DNAJC1: variants seen among roughly 807,000 people sequenced by gnomAD.
DNAJC1 encodes the protein DnaJ heat shock protein family (Hsp40) member C1.
In DNAJC1, 58 loss-of-function variants were observed where a neutral mutation model predicts 76.6. The observed-to-expected ratio is 0.76, with a 90% CI of 0.61 to 0.94. DNAJC1 has a LOEUF of 0.94. Among genes scored for constraint, DNAJC1 ranks in the 40% least tolerant of loss-of-function variants. The pLI, the probability that DNAJC1 is intolerant of heterozygous loss-of-function variation, is 0.00. For missense variants in DNAJC1, 689 were observed against 677.3 expected (o/e 1.02, Z -0.19); for synonymous variants, 258 against 267.9 (o/e 0.96, Z 0.36).
chr10:21,934,608 T>C (rs1289854105), intron 1 of DNAJC1, among the ~76,000 whole-genome samples: 2 of 152,190 alleles, frequency 1.3e-5, no homozygotes, highest in Non-Finnish European at 2.9e-5. Flanking sequence ...TAAATATGTT[T>C]AGATACACAA....
intron 9 of DNAJC1, among the ~76,000 whole-genome samples, chr10:21,767,394 T>C (rs972229956): frequency 6.6e-6 from 1 of 152,224 alleles, no homozygotes; most frequent in East Asian, 1.9e-4. Context: ...ACATACAGAA[T>C]TGCCTTATTT....
At chr10:21,988,302 T>G (rs925705349) in intron 1 of DNAJC1, among the ~76,000 whole-genome samples, 1 of 152,110 alleles carries the variant, frequency 6.6e-6, no homozygotes, top group Non-Finnish European at 1.5e-5. Flanking sequence ...TTTTAAAAGA[T>G]CATTACACTA....
intron 9 of DNAJC1, among the ~76,000 whole-genome samples, chr10:21,769,402 T>A (rs141313977): frequency 1.2e-4 from 18 of 152,342 alleles, no homozygotes; most frequent in African/African-American, 3.8e-4. Context: ...AGAATGGTTA[T>A]CCTGATTTTA....
In DNAJC1 at chr10:21,831,788, T is replaced by C. The variant is rs113390922; in HGVS notation, c.979-25689A>G. On this transcript the variant is annotated intron_variant, in intron 8 of 11. Transcript: ENST00000376980. ...CTGGGCGACAGAGCGAGACTCCATC[T>C]CAAAAAAAAAAAAAAAAAAATGCTT... is the stretch of plus-strand genomic sequence containing the variant. 7.7e-3 allele frequency among the ~76,000 whole-genome samples: 308 copies of C among 40,194 alleles called. 3 individuals are homozygous for C. The highest frequency in any genetic ancestry group is 0.026 in the African/African-American group (289 of 11,292). The allele number at this position is 40,194 out of a possible 152,430, so 26.4% of individuals were successfully genotyped here.
Position 21,813,165 on chromosome 10 carries a change from TCTCTCTCTCC to T in DNAJC1, c.979-7076_979-7067del, listed in dbSNP as rs71393923. Reference sequence around the variant, plus strand: ...TGGGTTACTTGTCTCTCTCTCTCTCTCTCTCTCTCCCTCTCTCTCTCTCTCTCTCTCTCTC... The same window carrying T: ...TGGGTTACTTGTCTCTCTCTCTCTCTCTCTCTCTCTCTCTCTCTCTCTCTC... On this transcript the variant is annotated intron_variant, in intron 8 of 11. Transcript: ENST00000376980. 2.2e-3 allele frequency among the ~76,000 whole-genome samples: 187 copies of T among 83,390 alleles called. 2 individuals are homozygous for T. Among genetic ancestry groups the T allele is most frequent in the Non-Finnish European group, 3.0e-3 (138 of 45,854 alleles). The allele number at this position is 83,390 out of a possible 152,430, so 54.7% of individuals were successfully genotyped here.
At chr10:21,855,896 C>T (rs1024626162) in intron 8 of DNAJC1, among the ~76,000 whole-genome samples, 12 of 150,580 alleles carry the variant, frequency 8.0e-5, no homozygotes, top group South Asian at 2.1e-4. Context: ...CAGGAAGCAA[C>T]GAGATTAAGG....
At chr10:21,986,086 G>A (rs1221262302) in intron 1 of DNAJC1, among the ~76,000 whole-genome samples, 1 of 152,136 alleles carries the variant, frequency 6.6e-6, no homozygotes, top group African/African-American at 2.4e-5. Flanking sequence ...AATTAGCCGG[G>A]TGTGGTGGCG....
intron 9 of DNAJC1, among the ~76,000 whole-genome samples, chr10:21,770,865 T>A (rs1834368231): frequency 6.6e-6 from 1 of 152,212 alleles, no homozygotes; most frequent in Non-Finnish European, 1.5e-5. Context: ...CTATTTTTTT[T>A]AATTTTGAAG....
At chr10:21,808,939 C>T (rs145215510) in intron 8 of DNAJC1, among the ~76,000 whole-genome samples, 9 of 152,134 alleles carry the variant, frequency 5.9e-5, no homozygotes, top group Admixed American at 5.9e-4. Flanking sequence ...AATCTCCATA[C>T]TGAATACAAA....
chr10:21,946,587 T>C (rs1287312042), intron 1 of DNAJC1, among the ~76,000 whole-genome samples: 4 of 152,196 alleles, frequency 2.6e-5, no homozygotes, highest in African/African-American at 9.6e-5. Flanking sequence ...ACTATAACCA[T>C]TTGAAAACGG....
chr10:21,882,502 T>C (rs1836299331), intron 7 of DNAJC1, 63 bp from the exon 8 acceptor site: 1 of 1,094,318 alleles, frequency 9.1e-7, no homozygotes, highest in Non-Finnish European at 1.3e-6. Context: ...ATTTCTAACA[T>C]TTTATTCATA....
At chr10:21,811,814 A>G (rs1329750198) in intron 8 of DNAJC1, among the ~76,000 whole-genome samples, 6 of 152,136 alleles carry the variant, frequency 3.9e-5, no homozygotes, top group African/African-American at 7.2e-5. Flanking sequence ...TTTCTCACAT[A>G]TAAATACAGA....
At chr10:21,808,054 T>A (rs1312701306) in intron 8 of DNAJC1, among the ~76,000 whole-genome samples, 1 of 152,168 alleles carries the variant, frequency 6.6e-6, no homozygotes, top group Non-Finnish European at 1.5e-5. Context: ...AGAATTTAAA[T>A]AAGCTTACAG....
At chr10:21,855,757 A>C (rs542093617) in intron 8 of DNAJC1, among the ~76,000 whole-genome samples, 48 of 152,248 alleles carry the variant, frequency 3.2e-4, no homozygotes, top group African/African-American at 1.1e-3. Context: ...ACTTCAACGT[A>C]ATCAGTGCTC....
intron 5 of DNAJC1, 149 bp from the exon 6 acceptor site, chr10:21,919,021 T>C (rs1214668679): frequency 1.6e-6 from 1 of 610,822 alleles, no homozygotes; most frequent in Non-Finnish European, 2.9e-6. Context: ...ACTGAAATAT[T>C]TATAACTGAC....
At chr10:21,817,970 T>G (rs1184106570) in intron 8 of DNAJC1, among the ~76,000 whole-genome samples, 1 of 152,182 alleles carries the variant, frequency 6.6e-6, no homozygotes, top group African/African-American at 2.4e-5. Flanking sequence ...CTGCACAAAT[T>G]GTTTGTAGAG....
intron 11 of DNAJC1, among the ~76,000 whole-genome samples, chr10:21,757,697 CT>C (rs1834192237): frequency 6.6e-6 from 1 of 152,216 alleles, no homozygotes; most frequent in African/African-American, 2.4e-5. Context: ...AGACCCAGCA[CT>C]TAACCCCAGA....
intron 1 of DNAJC1, among the ~76,000 whole-genome samples, chr10:21,984,223 T>C (rs1439239734): frequency 6.6e-6 from 1 of 152,214 alleles, no homozygotes; most frequent in Non-Finnish European, 1.5e-5. Context: ...AAGAACGGTA[T>C]ATCAGAAACT....
chr10:21,872,141 T>C (rs1167637786), intron 8 of DNAJC1, among the ~76,000 whole-genome samples: 2 of 151,020 alleles, frequency 1.3e-5, no homozygotes, highest in Non-Finnish European at 2.9e-5. Flanking sequence ...TGGTGTGACC[T>C]TGGCTCACCG....
Sources: gnomAD v4.1 joint callset for allele counts (sites outside exome capture counted in the v4.1 genomes callset) on GRCh38, gnomAD v4.1.1 for gene constraint, MANE v1.5 for transcripts, NCBI Gene and HGNC (gene_info 2026-07-23, HGNC 2026-07-21) for gene names.